NCMAP: variants seen among roughly 807,000 people sequenced by gnomAD.
The protein encoded by NCMAP is noncompact myelin-associated protein.
In NCMAP, 8 loss-of-function variants were observed where a neutral mutation model predicts 7.8. The ratio of observed to expected loss-of-function variants is 1.02; its 90% CI spans 0.60 to 1.84. The LOEUF (loss-of-function observed/expected upper bound fraction) is 1.84. NCMAP is among the 40% of genes most tolerant of loss of function. NCMAP has a pLI of 0.00. For missense variants in NCMAP, 112 were observed against 131.4 expected (o/e 0.85, Z 0.72); for synonymous variants, 41 against 52.9 (o/e 0.78, Z 0.98).
chr1:24,565,572 T>TTTTG (rs1553155073), intron 1 of NCMAP, among the ~76,000 whole-genome samples: 1 of 143,672 alleles, frequency 7.0e-6, no homozygotes, highest in Non-Finnish European at 1.5e-5. Flanking sequence ...TGATAGAAGA[T>TTTTG]TGTGTGTGTG....
intron 1 of NCMAP, among the ~76,000 whole-genome samples, chr1:24,591,240 T>A (rs542670642): frequency 2.9e-4 from 44 of 151,870 alleles, no homozygotes; most frequent in African/African-American, 1.0e-3. Context: ...TGAGTAGGAG[T>A]CTTCCTTGGG....
At chr1:24,583,176 C>T (rs938879438) in intron 1 of NCMAP, among the ~76,000 whole-genome samples, 4 of 152,114 alleles carry the variant, frequency 2.6e-5, no homozygotes, top group African/African-American at 4.8e-5. Context: ...CTCCCAAGGA[C>T]ATTTGGAAAT....
In NCMAP at chr1:24,607,934, C is replaced by G. The variant is rs1423933755; in HGVS notation, c.*2187C>G. 1.3e-5 allele frequency: 2 copies of G among 152,214 alleles called. No homozygotes were observed. The highest frequency in any genetic ancestry group is 2.9e-5 in the Non-Finnish European group (2 of 68,044). 9.4% of individuals were successfully genotyped at this position (152,214 alleles called of 1,614,324 possible). A position where few individuals can be genotyped will look rare whatever the true frequency, so the allele number is the denominator to read the frequency against. Reference sequence around the variant, plus strand: ...GTAAGAGGTCTTACCCAGGGTCACACAGCTCATGATATCCCACTGTAAAAA... The same window carrying G: ...GTAAGAGGTCTTACCCAGGGTCACAGAGCTCATGATATCCCACTGTAAAAA... On this transcript the variant is annotated 3_prime_UTR_variant, in exon 4 of 4. Transcript: ENST00000374392.
chr1:24,582,303 T>C (rs1013672087), intron 1 of NCMAP, among the ~76,000 whole-genome samples: 3 of 152,140 alleles, frequency 2.0e-5, no homozygotes, highest in Non-Finnish European at 4.4e-5. Flanking sequence ...CCAACTCCTA[T>C]GTAGGAAGCT....
rs1557596529 is a variant in NCMAP, at chr1:24,577,406, T to TTTTTG, written c.-7-18014_-7-18013insGTTTT. Reference sequence around the variant, plus strand: ...TCTAAGAAGGCACTGGCCTTGTTTTTTTTTTTTTTTTTTTTTTTTTTTTTT... The same window carrying TTTTTG: ...TCTAAGAAGGCACTGGCCTTGTTTTTTTTTGTTTTTTTTTTTTTTTTTTTTTTTTT... On this transcript the variant is annotated intron_variant, in intron 1 of 3. Transcript: ENST00000374392. Among the ~76,000 whole-genome samples, 665 of 133,962 alleles carry TTTTTG rather than the reference T, an allele frequency of 5.0e-3. 31 individuals carry two copies. Among genetic ancestry groups the TTTTTG allele is most frequent in the African/African-American group, 0.02 (607 of 29,974 alleles). The allele number at this position is 133,962 out of a possible 152,430, so 87.9% of individuals were successfully genotyped here. A position where few individuals can be genotyped will look rare whatever the true frequency, so the allele number is the denominator to read the frequency against.
intron 1 of NCMAP, among the ~76,000 whole-genome samples, chr1:24,565,472 G>A (rs1165206070): frequency 6.6e-6 from 1 of 151,966 alleles, no homozygotes; most frequent in Non-Finnish European, 1.5e-5. Flanking sequence ...ACATTGTCTA[G>A]CTAGAATTTA....
chr1:24,588,021 G>T (rs976482896), intron 1 of NCMAP, among the ~76,000 whole-genome samples: 1 of 152,080 alleles, frequency 6.6e-6, no homozygotes, highest in African/African-American at 2.4e-5. Context: ...AAACAGAAAG[G>T]AAAACAGCTC....
intron 1 of NCMAP, among the ~76,000 whole-genome samples, chr1:24,559,301 C>T (rs927546811): frequency 6.6e-6 from 1 of 152,196 alleles, no homozygotes; most frequent in Non-Finnish European, 1.5e-5. Context: ...ACTGGAGTCC[C>T]GCTGTTTGCT....
intron 2 of NCMAP, among the ~76,000 whole-genome samples, chr1:24,597,499 CA>C (rs1351310850): frequency 1.1e-5 from 1 of 91,624 alleles, no homozygotes; most frequent in Non-Finnish European, 2.0e-5. Context: ...GAGAGACTGT[CA>C]AAAAAAGAAA....
At chr1:24,587,580 C>T (rs1651918237) in intron 1 of NCMAP, among the ~76,000 whole-genome samples, 1 of 152,198 alleles carries the variant, frequency 6.6e-6, no homozygotes, top group Non-Finnish European at 1.5e-5. Flanking sequence ...GTGGCATGAT[C>T]TTGGCTCACT....
chr1:24,600,524 G>A (rs1652447349), intron 2 of NCMAP, among the ~76,000 whole-genome samples: 2 of 152,192 alleles, frequency 1.3e-5, no homozygotes, highest in Admixed American at 1.3e-4. Context: ...AGCAGTTGTT[G>A]GGCCAGTGAG....
chr1:24,580,145 G>A lies in NCMAP; in HGVS notation c.-7-15279G>A, dbSNP rs140352125. On this transcript the variant is annotated intron_variant, in intron 1 of 3. Transcript: ENST00000374392. Reference sequence around the variant, plus strand: ...GCGGCAGCACTGCCCAAAATGACTTGACACCATCCTGTGCTGTCCAATGCG... The same window carrying A: ...GCGGCAGCACTGCCCAAAATGACTTAACACCATCCTGTGCTGTCCAATGCG... Among the ~76,000 whole-genome samples, 241 of 152,324 alleles carry A rather than the reference G, an allele frequency of 1.6e-3. 6 individuals carry two copies. In the East Asian group the frequency reaches 0.033, roughly 21 times the overall value.
intron 1 of NCMAP, among the ~76,000 whole-genome samples, chr1:24,591,064 G>C (rs114645711): frequency 0.17 from 25,754 of 152,068 alleles, 2,255 homozygotes; most frequent in East Asian, 0.21. Context: ...TTTATCTGAG[G>C]AAGGTAAAAG....
Position 24,602,056 on chromosome 1 carries a change from C to CAT in NCMAP, c.167+1041_167+1042dup, listed in dbSNP as rs1459276092. The stretch of plus-strand genomic sequence containing the variant: ...ACTCCGTCTCAAAAAAAAAAAAAAT[C>CAT]ATATATATATGTATTAGAAGTGCAC... On this transcript the variant is annotated intron_variant, in intron 3 of 3. Transcript: ENST00000374392. Among the ~76,000 whole-genome samples the CAT allele has an allele frequency of 6.8e-5, 10 of 147,360 alleles. 1 individual carries two copies. Among genetic ancestry groups the CAT allele is most frequent in the Middle Eastern group, 3.2e-3 (1 of 308 alleles).
chr1:24,558,460 C>G (rs1302488830), intron 1 of NCMAP, among the ~76,000 whole-genome samples: 1 of 152,180 alleles, frequency 6.6e-6, no homozygotes, highest in Non-Finnish European at 1.5e-5. Flanking sequence ...TGTGGTCCCC[C>G]CACTGTCCCC....
At position 24,576,392 on chromosome 1, in the gene NCMAP, G is replaced by A. The variant is rs572565304; in HGVS notation, c.-7-19032G>A. On this transcript the variant is annotated intron_variant, in intron 1 of 3. Transcript: ENST00000374392. The surrounding 1 kb of genome is among the most constrained non-coding windows in gnomAD (Gnocchi z 4.0). The stretch of plus-strand genomic sequence containing the variant: ...GACTGGCCACTGGCCAGCTCACACC[G>A]TGGGCAGCTTGAACGGCTGGGATTG... Among the ~76,000 whole-genome samples, 5 of 152,334 alleles carry A rather than the reference G, an allele frequency of 3.3e-5. No individual in the cohort carries two copies. The highest frequency in any genetic ancestry group is 2.1e-4 in the South Asian group (1 of 4,818).
intron 1 of NCMAP, among the ~76,000 whole-genome samples, chr1:24,572,807 G>A (rs865888682): frequency 6.6e-6 from 1 of 150,750 alleles, no homozygotes; most frequent in Non-Finnish European, 1.5e-5. Flanking sequence ...CCTCTGGCAC[G>A]TCAAGGAGCG....
chr1:24,594,251 T>C (rs1652145257), intron 1 of NCMAP, among the ~76,000 whole-genome samples: 1 of 152,114 alleles, frequency 6.6e-6, no homozygotes, highest in African/African-American at 2.4e-5. Context: ...ATCTCAAAAC[T>C]TCTTTCCAGT....
intron 3 of NCMAP, among the ~76,000 whole-genome samples, chr1:24,602,595 A>G (rs1280833211): frequency 4.1e-5 from 6 of 145,902 alleles, no homozygotes; most frequent in Non-Finnish European, 9.1e-5. Context: ...AAAAAAAAGA[A>G]TATGAATATT....
Sources: allele counts gnomAD v4.1 joint callset (sites outside exome capture counted in the v4.1 genomes callset), GRCh38; gene constraint gnomAD v4.1.1; non-coding constraint Gnocchi (gnomAD v3.1); transcripts MANE v1.5; gene names NCBI Gene and HGNC (gene_info 2026-07-23, HGNC 2026-07-21).